Variants in CXCL9 observed in about 807,000 individuals in gnomAD.
CXCL9 encodes the protein C-X-C motif chemokine ligand 9.
CXCL9 carries 8 observed loss-of-function variants against 11.7 expected under a neutral mutation model. That is an observed-to-expected ratio of 0.68 (90% CI 0.40 to 1.23). The LOEUF is 1.23. CXCL9 is among the 50% of genes most tolerant of loss of function. CXCL9 has a pLI of 0.01. For missense variants in CXCL9, 133 were observed against 141.7 expected (o/e 0.94, Z 0.31); for synonymous variants, 43 against 48.2 (o/e 0.89, Z 0.45).
At chr4:76,005,024 C>A in intron 2 of CXCL9, 131 bp from the exon 3 acceptor site, 2 of 1,257,568 alleles carry the variant, frequency 1.6e-6, no homozygotes, top group Non-Finnish European at 2.0e-6. Context: ...TTTCCTAGGA[C>A]AAGATGAGTC....
In CXCL9 at chr4:76,002,669, T is replaced by A. The variant is rs1367368756; in HGVS notation, c.*929A>T. 3.5e-6 allele frequency: 1 copy of A among 286,980 alleles called. No individual in the cohort carries two copies. The highest frequency in any genetic ancestry group is 6.4e-6 in the Non-Finnish European group (1 of 156,228). The allele number at this position is 286,980 out of a possible 1,614,324, so 17.8% of individuals were successfully genotyped here. ...GATAGGATAAACACCCAAGAATTAG[T>A]TAACCATTGAGTGTTCACCCATGTG... is the stretch of plus-strand genomic sequence containing the variant. On this transcript the variant is annotated 3_prime_UTR_variant, in exon 4 of 4. Transcript: ENST00000264888.
In CXCL9 at chr4:76,002,118, G is replaced by A; in HGVS notation, c.*1480C>T. On this transcript the variant is annotated 3_prime_UTR_variant, in exon 4 of 4. Transcript: ENST00000264888. Reference sequence around the variant, plus strand: ...CTCATATTTGCCTAAAATGAGTTTCGATAAGGATCTCGGTGGCTATCTTGT... The same window carrying A: ...CTCATATTTGCCTAAAATGAGTTTCAATAAGGATCTCGGTGGCTATCTTGT... The A allele has an allele frequency of 5.1e-6, 2 of 394,778 alleles. No individual in the cohort carries two copies. Among genetic ancestry groups the A allele is most frequent in the Non-Finnish European group, 8.9e-6 (2 of 224,208 alleles). 24.5% of individuals were successfully genotyped at this position (394,778 alleles called of 1,614,324 possible). A position where few individuals can be genotyped will look rare whatever the true frequency, so the allele number is the denominator to read the frequency against.
chr4:76,006,573 G>C (rs942537879), intron 1 of CXCL9, among the ~76,000 whole-genome samples: 21 of 152,162 alleles, frequency 1.4e-4, no homozygotes, highest in Non-Finnish European at 2.6e-4. Flanking sequence ...AAGTCCGTGG[G>C]AGAAAAAGAG....
chr4:76,005,044 A>ATTTT, intron 2 of CXCL9, 151 bp from the exon 3 acceptor site: 1 of 944,506 alleles, frequency 1.1e-6, no homozygotes, highest in Non-Finnish European at 1.4e-6. Flanking sequence ...CACTGGTTGA[A>ATTTT]TTTTTTTTTT....
chr4:76,003,300 T>G lies in CXCL9; in HGVS notation c.*298A>C. On this transcript the variant is annotated 3_prime_UTR_variant, in exon 4 of 4. Transcript: ENST00000264888. ...TTCCAGGCAGCTGTTGTGAGTGGGA[T>G]GTGGTTGGGTGAACATCTGTGTAGA... 3.8e-6 allele frequency: 1 copy of G among 266,016 alleles called. No individual in the cohort carries two copies. Among genetic ancestry groups the G allele is most frequent in the Non-Finnish European group, 7.1e-6 (1 of 141,592 alleles). 16.5% of individuals were successfully genotyped at this position (266,016 alleles called of 1,614,324 possible). A position where few individuals can be genotyped will look rare whatever the true frequency, so the allele number is the denominator to read the frequency against.
chr4:76,003,818 C>T (rs1286143365), intron 3 of CXCL9, 119 bp from the exon 4 acceptor site: 2 of 642,340 alleles, frequency 3.1e-6, no homozygotes, highest in African/African-American at 1.8e-5. Flanking sequence ...ACATTAAAGT[C>T]ACTTCACTCT....
In CXCL9 at chr4:76,006,358, A is replaced by G. The variant is rs1731587166; in HGVS notation, c.65-84T>C. ...TCTATCAAAATGATACACTTGACTG[A>G]GTCATGATTATTGCTATCATTTACC... On this transcript the variant is annotated intron_variant, in intron 1 of 3. Coordinates refer to ENST00000264888, the MANE Select transcript of CXCL9 (RefSeq NM_002416.3). 2.2e-6 allele frequency: 3 copies of G among 1,350,934 alleles called. No individual in the cohort carries two copies. In the East Asian group the frequency reaches 7.2e-5, roughly 33 times the overall value. The allele number at this position is 1,350,934 out of a possible 1,614,324, so 83.7% of individuals were successfully genotyped here.
chr4:76,005,915 A>G (rs1479523259), intron 2 of CXCL9: 2 of 382,828 alleles, frequency 5.2e-6, no homozygotes, highest in Non-Finnish European at 9.8e-6. Context: ...CTATTGTGTT[A>G]CCTGCATTAA....
rs762544016 is a variant in CXCL9, at chr4:76,003,597, CTT to C, written c.377_378del (p.Ter126=). On this transcript the variant is annotated frameshift_variant and stop_lost, in exon 4 of 4. Coordinates refer to ENST00000264888, the MANE Select transcript of CXCL9 (RefSeq NM_002416.3). LOFTEE classifies it high-confidence loss of function. ...SQRSRQKKTT[*>X] ...AGAATACTTATTGGTGAAGTGGTCT[CTT>C]ATGTAGTCTTCTTTTGACGAGAACG... is the stretch of plus-strand genomic sequence containing the variant. 1 of 1,547,202 alleles carries C rather than the reference CTT, an allele frequency of 6.5e-7. No homozygotes were observed. Among genetic ancestry groups the C allele is most frequent in the East Asian group, 2.2e-5 (1 of 44,568 alleles).
intron 1 of CXCL9, among the ~76,000 whole-genome samples, chr4:76,006,608 C>T (rs1731592369): frequency 6.6e-6 from 1 of 152,172 alleles, no homozygotes; most frequent in Admixed American, 6.5e-5. Flanking sequence ...TAATAAATGC[C>T]TATCACAAGA....
intron 2 of CXCL9, 89 bp downstream of exon 2, chr4:76,006,059 T>C: frequency 8.2e-7 from 1 of 1,221,168 alleles, no homozygotes; most frequent in Non-Finnish European, 1.2e-6. Flanking sequence ...TAAGTGTTTG[T>C]ATGGGCAAGC....
intron 2 of CXCL9, chr4:76,005,852 G>C (rs1277461657): frequency 3.7e-6 from 1 of 270,926 alleles, no homozygotes; most frequent in Non-Finnish European, 7.2e-6. Flanking sequence ...ATACTAAGGG[G>C]TTAACAGTAT....
rs759303399 is a variant in CXCL9 at position 76,003,712 on chromosome 4, G to A, written c.277-13C>T. On this transcript the variant is annotated splice_polypyrimidine_tract_variant and intron_variant, in intron 3 of 3. Transcript: ENST00000264888. ...TCTTTTGGCTGACCTGTGAGAAGAA[G>A]GGGAAAAAGGGCAATGTTTCTGAAT... The A allele has an allele frequency of 2.1e-6, 3 of 1,415,398 alleles. No homozygotes were observed. Among genetic ancestry groups the A allele is most frequent in the Non-Finnish European group, 3.0e-6 (3 of 1,005,522 alleles). The allele number at this position is 1,415,398 out of a possible 1,614,324, so 87.7% of individuals were successfully genotyped here.
chr4:76,004,975 G>A, intron 2 of CXCL9, 82 bp from the exon 3 acceptor site: 2 of 1,394,080 alleles, frequency 1.4e-6, no homozygotes, highest in South Asian at 1.9e-5. Flanking sequence ...AAATCAGTAT[G>A]AATTGTGCTG....
In CXCL9 at chr4:76,001,330, A is replaced by T. The variant is rs1430285791; in HGVS notation, c.*2268T>A. ...CCTGTTCCCGATCGACCCTTTAAAG[A>T]GCTTTCATGTGTTATCTCAACTAGT... On this transcript the variant is annotated 3_prime_UTR_variant, in exon 4 of 4. Transcript: ENST00000264888. The T allele has an allele frequency of 3.3e-5, 5 of 152,136 alleles. No individual in the cohort carries two copies. The highest frequency in any genetic ancestry group is 5.9e-5 in the Non-Finnish European group (4 of 68,032). 9.4% of individuals were successfully genotyped at this position (152,136 alleles called of 1,614,324 possible).
intron 1 of CXCL9, among the ~76,000 whole-genome samples, chr4:76,007,045 GT>G (rs563272348): frequency 1.9e-4 from 29 of 152,240 alleles, no homozygotes; most frequent in African/African-American, 6.0e-4. Context: ...CTGATTATTG[GT>G]TGGATCCTTA....
At chr4:76,007,026 A>G (rs1041656467) in intron 1 of CXCL9, among the ~76,000 whole-genome samples, 1 of 152,232 alleles carries the variant, frequency 6.6e-6, no homozygotes, top group Non-Finnish European at 1.5e-5. Flanking sequence ...TAGATTAGGG[A>G]CAAATTCTCT....
intron 2 of CXCL9, chr4:76,005,919 G>A: frequency 2.5e-6 from 1 of 395,824 alleles, no homozygotes; most frequent in Non-Finnish European, 4.7e-6. Flanking sequence ...TGTGTTACCT[G>A]CATTAAACAT....
intron 2 of CXCL9, 69 bp downstream of exon 2, chr4:76,006,079 G>A: frequency 6.8e-7 from 1 of 1,475,338 alleles, no homozygotes; most frequent in Non-Finnish European, 9.4e-7. Flanking sequence ...CACTCCAAGG[G>A]TAAAACTCAT....
Sources: gnomAD v4.1 joint callset for allele counts (sites outside exome capture counted in the v4.1 genomes callset) on GRCh38, gnomAD v4.1.1 for gene constraint, MANE v1.5 for transcripts, NCBI Gene and HGNC (gene_info 2026-07-23, HGNC 2026-07-21) for gene names.